NEDD4L: variants seen among roughly 807,000 people sequenced by gnomAD.
NEDD4L encodes E3 ubiquitin-protein ligase NEDD4-like.
Under a neutral mutation model 148.9 loss-of-function variants are expected in NEDD4L, and 54 were observed. The ratio of observed to expected loss-of-function variants is 0.36; its 90% CI spans 0.29 to 0.45. The LOEUF (loss-of-function observed/expected upper bound fraction) is 0.45, where lower values mean the gene tolerates loss of function less well. Ranked by LOEUF, NEDD4L falls within the 20% of genes least tolerant of loss-of-function variation. The pLI, the probability that NEDD4L is intolerant of heterozygous loss-of-function variation, is 1.00. For synonymous variants in NEDD4L, 433 were observed against 440.7 expected (o/e 0.98, Z 0.22); for missense variants, 856 against 1,233.8 (o/e 0.69, Z 4.59).
chr18:58,073,212 G>C (rs529150921), intron 1 of NEDD4L, among the ~76,000 whole-genome samples: 1 of 151,884 alleles, frequency 6.6e-6, no homozygotes, highest in Non-Finnish European at 1.5e-5. Context: ...CAAAATCCCA[G>C]CTGGCTTTTT....
At chr18:58,045,148 C>T (rs2081517165) in intron 1 of NEDD4L, 1 of 399,072 alleles carries the variant, frequency 2.5e-6, no homozygotes. Context: ...CGGATCGTTT[C>T]CCCCTGGAAC....
At chr18:58,271,334 G>T (rs2051014118) in intron 5 of NEDD4L, among the ~76,000 whole-genome samples, 1 of 152,058 alleles carries the variant, frequency 6.6e-6, no homozygotes, top group African/African-American at 2.4e-5. Flanking sequence ...AAGATTTTAT[G>T]ATTCACTTGA....
chr18:58,341,406 A>G (rs1390616683), intron 14 of NEDD4L, among the ~76,000 whole-genome samples: 4 of 152,232 alleles, frequency 2.6e-5, no homozygotes, highest in Non-Finnish European at 1.5e-5. Context: ...TTTTCAAAGT[A>G]AGAGCCTATT....
chr18:58,160,323 T>C (rs370956850), intron 1 of NEDD4L, among the ~76,000 whole-genome samples: 44 of 152,364 alleles, frequency 2.9e-4, no homozygotes, highest in African/African-American at 1.0e-3. Flanking sequence ...CTGTCACTTA[T>C]GGCTCGGGCA....
chr18:58,340,512 A>T (rs916111835), intron 13 of NEDD4L, among the ~76,000 whole-genome samples: 2 of 152,112 alleles, frequency 1.3e-5, no homozygotes, highest in Non-Finnish European at 2.9e-5. Context: ...TATCCTAGAG[A>T]AGGGGCTCTG....
At chr18:58,128,344 G>T (rs1244669432) in intron 1 of NEDD4L, among the ~76,000 whole-genome samples, 1 of 152,116 alleles carries the variant, frequency 6.6e-6, no homozygotes, top group Non-Finnish European at 1.5e-5. Flanking sequence ...CCCTTCTTGT[G>T]CCTGGTTGTA....
chr18:58,131,356 G>A (rs1216085897), intron 1 of NEDD4L, among the ~76,000 whole-genome samples: 3 of 147,690 alleles, frequency 2.0e-5, no homozygotes, highest in Non-Finnish European at 4.4e-5. Flanking sequence ...TAGCAGAACT[G>A]TGGTGGTGTT....
intron 9 of NEDD4L, among the ~76,000 whole-genome samples, chr18:58,325,487 TTTC>T (rs2059233814): frequency 6.6e-6 from 1 of 152,226 alleles, no homozygotes; most frequent in Non-Finnish European, 1.5e-5. Context: ...ATTATATTGT[TTTC>T]TTCTTCACCT....
intron 5 of NEDD4L, among the ~76,000 whole-genome samples, chr18:58,287,667 C>T (rs1220061277): frequency 6.6e-6 from 1 of 152,170 alleles, no homozygotes; most frequent in Non-Finnish European, 1.5e-5. Flanking sequence ...TCTTATCACG[C>T]ATATTTCCCT....
intron 23 of NEDD4L, 33 bp from the exon 24 acceptor site, chr18:58,373,141 A>G (rs763576862): frequency 4.1e-6 from 5 of 1,233,032 alleles, no homozygotes; most frequent in Non-Finnish European, 4.7e-6. Flanking sequence ...TGGGGAAAAA[A>G]TGCTGAATTT....
chr18:58,164,496 T>C (rs1191095663), intron 1 of NEDD4L, among the ~76,000 whole-genome samples: 2 of 152,150 alleles, frequency 1.3e-5, no homozygotes, highest in Non-Finnish European at 2.9e-5. Context: ...GACACTGACA[T>C]TAGCCTGTAC....
rs746481322 is a variant in NEDD4L at position 58,387,432 on chromosome 18, C to G, written c.2488-7C>G. The stretch of plus-strand genomic sequence containing the variant: ...GGTGTTTAAGATGTTTTTTTTTTTT[C>G]TTTCAGGGATTCACAGAACTACTTC... On this transcript the variant is annotated splice_region_variant and splice_polypyrimidine_tract_variant and intron_variant, in intron 26 of 30. Transcript: ENST00000400345. 3 of 1,295,342 alleles carry G rather than the reference C, an allele frequency of 2.3e-6. No individual in the cohort carries two copies. Among genetic ancestry groups the G allele is most frequent in the Non-Finnish European group, 9.8e-7 (1 of 1,019,120 alleles). The allele number at this position is 1,295,342 out of a possible 1,614,324, so 80.2% of individuals were successfully genotyped here. A position where few individuals can be genotyped will look rare whatever the true frequency, so the allele number is the denominator to read the frequency against.
intron 15 of NEDD4L, 40 bp from the exon 16 acceptor site, chr18:58,342,866 C>A: frequency 6.8e-7 from 1 of 1,470,338 alleles, no homozygotes; most frequent in Non-Finnish European, 9.1e-7. Context: ...ATTGGAATCG[C>A]ACATGCTAAA....
At chr18:58,216,782 A>AG (rs1324014391) in intron 2 of NEDD4L, among the ~76,000 whole-genome samples, 2 of 152,142 alleles carry the variant, frequency 1.3e-5, no homozygotes, top group African/African-American at 4.8e-5. Flanking sequence ...AGCTCAAAAG[A>AG]GGGGCCAGAG....
intron 1 of NEDD4L, chr18:58,054,776 A>C (rs1176750365): frequency 1.3e-5 from 2 of 152,180 alleles, no homozygotes; most frequent in Non-Finnish European, 2.9e-5. Context: ...CCAGAAGATA[A>C]ATGAATGTGG....
chr18:58,077,792 T>A (rs1163388975), intron 1 of NEDD4L, among the ~76,000 whole-genome samples: 3 of 152,156 alleles, frequency 2.0e-5, no homozygotes, highest in African/African-American at 7.2e-5. Flanking sequence ...CATTTTTGGT[T>A]TTCTTGGAAT....
chr18:58,234,044 C>T (rs915390393), intron 2 of NEDD4L, among the ~76,000 whole-genome samples: 20 of 113,964 alleles, frequency 1.8e-4, no homozygotes, highest in Non-Finnish European at 2.0e-4. Context: ...CATTTCTTTC[C>T]TTTTCTTTCT....
chr18:58,198,945 C>T (rs1483995649), intron 2 of NEDD4L, among the ~76,000 whole-genome samples: 2 of 152,168 alleles, frequency 1.3e-5, no homozygotes, highest in Non-Finnish European at 2.9e-5. Flanking sequence ...GCTGGGATTA[C>T]AGGTGCTAGC....
At chr18:58,339,468 A>T (rs2042169097) in intron 13 of NEDD4L, among the ~76,000 whole-genome samples, 1 of 152,168 alleles carries the variant, frequency 6.6e-6, no homozygotes, top group South Asian at 2.1e-4. Context: ...TATTCATGAA[A>T]GGATTAAGTC....
Sources: gnomAD v4.1 joint callset for allele counts (sites outside exome capture counted in the v4.1 genomes callset) on GRCh38, gnomAD v4.1.1 for gene constraint, MANE v1.5 for transcripts, NCBI Gene and HGNC (gene_info 2026-07-23, HGNC 2026-07-21) for gene names.